Variants in CHN2 observed in about 807,000 individuals in gnomAD.
CHN2 encodes chimerin 2.
CHN2 carries 35 observed loss-of-function variants against 56.3 expected under a neutral mutation model. That is an observed-to-expected ratio of 0.62 (90% CI 0.47 to 0.82). The LOEUF (loss-of-function observed/expected upper bound fraction) is 0.82, where lower values mean the gene tolerates loss of function less well. Among genes scored for constraint, CHN2 ranks in the 40% least tolerant of loss-of-function variants. The pLI is 0.00. For missense variants in CHN2, 491 were observed against 580.5 expected (o/e 0.85, Z 1.58); for synonymous variants, 210 against 212.8 (o/e 0.99, Z 0.12).
At chr7:29,466,856 C>A (rs898854196) in intron 6 of CHN2, among the ~76,000 whole-genome samples, 1 of 151,666 alleles carries the variant, frequency 6.6e-6, no homozygotes, top group African/African-American at 2.4e-5. Context: ...TTTTGTTTTT[C>A]TGTGGCAAAG....
intron 1 of CHN2, among the ~76,000 whole-genome samples, chr7:29,264,521 C>G (rs572727440): frequency 6.6e-5 from 10 of 152,296 alleles, no homozygotes; most frequent in Middle Eastern, 3.4e-3. Context: ...CGCCCAACCC[C>G]GTGCTCTCTG....
intron 7 of CHN2, among the ~76,000 whole-genome samples, chr7:29,487,909 G>A (rs1054504078): frequency 2.0e-5 from 3 of 152,208 alleles, no homozygotes; most frequent in African/African-American, 7.2e-5. Context: ...GGAGCCACTC[G>A]AGGTTTTTGA....
intron 12 of CHN2, among the ~76,000 whole-genome samples, chr7:29,511,664 A>G (rs905995803): frequency 1.3e-5 from 2 of 152,124 alleles, no homozygotes; most frequent in Non-Finnish European, 2.9e-5. Flanking sequence ...AATGAGTTAT[A>G]AGGAAATAGA....
At chr7:29,477,211 G>A (rs1786677599) in intron 6 of CHN2, among the ~76,000 whole-genome samples, 1 of 152,166 alleles carries the variant, frequency 6.6e-6, no homozygotes, top group African/African-American at 2.4e-5. Flanking sequence ...AACACTTCTA[G>A]TCCCCTGTAA....
intron 3 of CHN2, among the ~76,000 whole-genome samples, chr7:29,380,173 T>C (rs1213261612): frequency 1.3e-5 from 2 of 152,120 alleles, no homozygotes; most frequent in Non-Finnish European, 2.9e-5. Flanking sequence ...AATTCCACCC[T>C]CCTGGTGGGA....
chr7:29,389,132 T>G (rs1186622073), intron 3 of CHN2, among the ~76,000 whole-genome samples: 1 of 151,730 alleles, frequency 6.6e-6, no homozygotes, highest in Non-Finnish European at 1.5e-5. Context: ...GCTCAGAGAG[T>G]GTTGGGAATG....
chr7:29,483,143 C>G (rs1231337831), intron 7 of CHN2, among the ~76,000 whole-genome samples: 1 of 152,008 alleles, frequency 6.6e-6, no homozygotes, highest in East Asian at 1.9e-4. Flanking sequence ...TAGAGGCCTC[C>G]TACCTGACAT....
intron 6 of CHN2, among the ~76,000 whole-genome samples, chr7:29,436,524 C>A (rs1181798897): frequency 2.0e-5 from 3 of 152,094 alleles, no homozygotes; most frequent in African/African-American, 7.2e-5. Context: ...TCCCCGTTGT[C>A]CCCAGCTTGG....
intron 1 of CHN2, among the ~76,000 whole-genome samples, chr7:29,275,604 A>C (rs538544824): frequency 1.3e-5 from 2 of 152,362 alleles, no homozygotes; most frequent in South Asian, 4.1e-4. Context: ...TCATGCCAGC[A>C]CTGAGCTAAG....
chr7:29,336,759 C>T (rs1796648446), intron 1 of CHN2, among the ~76,000 whole-genome samples: 10 of 68,576 alleles, frequency 1.5e-4, no homozygotes, highest in Non-Finnish European at 2.0e-4. Context: ...GATTCTGTCT[C>T]AAAAAAAAAA....
chr7:29,195,629 A>AGAGAGTGTGTGTGTGT (rs869037854), intron 1 of CHN2, among the ~76,000 whole-genome samples: 2 of 117,502 alleles, frequency 1.7e-5, no homozygotes, highest in African/African-American at 7.2e-5. Flanking sequence ...AGAGAGAGAG[A>AGAGAGTGTGTGTGTGT]GTGTGTGTGT....
chr7:29,419,379 C>A (rs1400480976), intron 6 of CHN2, among the ~76,000 whole-genome samples: 1 of 152,008 alleles, frequency 6.6e-6, no homozygotes, highest in Non-Finnish European at 1.5e-5. Flanking sequence ...TTATAGAACT[C>A]CTAGAAGAAA....
chr7:29,480,443 A>G, intron 7 of CHN2, 87 bp downstream of exon 7: 1 of 1,357,694 alleles, frequency 7.4e-7, no homozygotes. Context: ...TTCTGACTGT[A>G]AAGTCAAGAG....
intron 6 of CHN2, among the ~76,000 whole-genome samples, chr7:29,424,207 A>G (rs922267307): frequency 6.6e-6 from 1 of 152,240 alleles, no homozygotes; most frequent in Middle Eastern, 3.4e-3. Context: ...TTCTACAGAA[A>G]TAGTTTTTAA....
intron 6 of CHN2, among the ~76,000 whole-genome samples, chr7:29,412,669 C>T (rs1803356910): frequency 6.6e-6 from 1 of 152,098 alleles, no homozygotes; most frequent in Non-Finnish European, 1.5e-5. Flanking sequence ...AGATTCTCAG[C>T]AACTTGTGAT....
At chr7:29,273,386 TATAC>T (rs201813940) in intron 1 of CHN2, among the ~76,000 whole-genome samples, 1,195 of 47,350 alleles carry the variant, frequency 0.025, 29 homozygotes, top group Admixed American at 0.041. Flanking sequence ...TATATATATA[TATAC>T]ACACACCACA....
chr7:29,385,968 A>G (rs6976918), intron 3 of CHN2, among the ~76,000 whole-genome samples: 135,689 of 152,158 alleles, frequency 0.89, 60,672 homozygotes, highest in Non-Finnish European at 0.93. Flanking sequence ...TTAGCAAAGC[A>G]ATTGGTCACC....
chr7:29,343,065 A>C (rs1797164500), intron 1 of CHN2, among the ~76,000 whole-genome samples: 1 of 152,240 alleles, frequency 6.6e-6, no homozygotes, highest in East Asian at 1.9e-4. Context: ...CCAGGAAAAC[A>C]TTCCTTTGAT....
chr7:29,360,678 G>T (rs1299663292), intron 2 of CHN2, among the ~76,000 whole-genome samples: 3 of 152,016 alleles, frequency 2.0e-5, no homozygotes, highest in Admixed American at 6.5e-5. Flanking sequence ...CAGTGAGCAG[G>T]GTCATACTGG....
Sources: gnomAD v4.1 joint callset for allele counts (sites outside exome capture counted in the v4.1 genomes callset) on GRCh38, gnomAD v4.1.1 for gene constraint, MANE v1.5 for transcripts, NCBI Gene and HGNC (gene_info 2026-07-23, HGNC 2026-07-21) for gene names.